The following FGGY variants were observed in gnomAD, a reference collection of about 807,000 sequenced individuals.
The protein encoded by FGGY is FGGY carbohydrate kinase domain-containing protein.
A neutral mutation model predicts 71.3 loss-of-function variants in FGGY; 72 were observed. The observed-to-expected ratio is 1.01, with a 90% confidence interval of 0.84 to 1.23. The LOEUF (loss-of-function observed/expected upper bound fraction) is 1.23. Ranked by LOEUF, FGGY falls within the 50% of genes most tolerant of loss-of-function variation. FGGY has a pLI of 0.00. For missense variants in FGGY, 668 were observed against 682.3 expected (o/e 0.98, Z 0.23); for synonymous variants, 251 against 250.3 (o/e 1.00, Z -0.02).
At chr1:59,373,605 C>A (rs1342440431) in intron 4 of FGGY, among the ~76,000 whole-genome samples, 1 of 152,272 alleles carries the variant, frequency 6.6e-6, no homozygotes, top group South Asian at 2.1e-4. Context: ...CCAAGTCAAT[C>A]CTAAGCCAAA....
intron 5 of FGGY, among the ~76,000 whole-genome samples, chr1:59,393,626 A>T (rs995867444): frequency 1.3e-5 from 2 of 151,524 alleles, no homozygotes; most frequent in Non-Finnish European, 2.9e-5. Flanking sequence ...GGCCCAAATC[A>T]GCCCTGCAGT....
chr1:59,515,695 T>C (rs1351096009), intron 7 of FGGY, among the ~76,000 whole-genome samples: 1 of 152,176 alleles, frequency 6.6e-6, no homozygotes, highest in Non-Finnish European at 1.5e-5. Flanking sequence ...TTATCAGGCT[T>C]TTCTGCGTTT....
intron 14 of FGGY, among the ~76,000 whole-genome samples, chr1:59,688,784 C>G (rs575736292): frequency 1.3e-5 from 2 of 148,452 alleles, no homozygotes; most frequent in African/African-American, 2.5e-5. Context: ...GAGTCTCACT[C>G]TGTCGCCTAG....
intron 14 of FGGY, among the ~76,000 whole-genome samples, chr1:59,722,460 T>C (rs2097905700): frequency 6.6e-6 from 1 of 152,228 alleles, no homozygotes; most frequent in South Asian, 2.1e-4. Flanking sequence ...GAGGAATATC[T>C]ACATAAATTT....
At chr1:59,542,814 A>C (rs567200061) in intron 7 of FGGY, among the ~76,000 whole-genome samples, 4 of 151,856 alleles carry the variant, frequency 2.6e-5, no homozygotes, top group East Asian at 3.9e-4. Flanking sequence ...GGCCCAAAAA[A>C]CTCAGTTCAT....
chr1:59,675,067 G>A (rs2097423110), intron 14 of FGGY, among the ~76,000 whole-genome samples: 1 of 152,154 alleles, frequency 6.6e-6, no homozygotes, highest in Non-Finnish European at 1.5e-5. Flanking sequence ...TTATAGTTGA[G>A]GAACCTGAGG....
At chr1:59,419,534 A>G (rs2065051604) in intron 5 of FGGY, among the ~76,000 whole-genome samples, 1 of 152,178 alleles carries the variant, frequency 6.6e-6, no homozygotes, top group African/African-American at 2.4e-5. Flanking sequence ...ACTGGTTCCA[A>G]GTATTCATCT....
chr1:59,298,259 T>A (rs2042260927), intron 1 of FGGY, among the ~76,000 whole-genome samples: 1 of 152,220 alleles, frequency 6.6e-6, no homozygotes, highest in Non-Finnish European at 1.5e-5. Context: ...GCTCTTGACC[T>A]GATGGCCACT....
At chr1:59,494,998 A>G (rs2093987993) in intron 6 of FGGY, among the ~76,000 whole-genome samples, 1 of 152,162 alleles carries the variant, frequency 6.6e-6, no homozygotes, top group Non-Finnish European at 1.5e-5. Context: ...TTTTCTCCAC[A>G]ACCTCACCAG....
intron 14 of FGGY, chr1:59,698,625 C>T: frequency 3.0e-6 from 1 of 334,028 alleles, no homozygotes; most frequent in Non-Finnish European, 4.3e-6. Flanking sequence ...CTTTGCTGAC[C>T]ACTTGGGAAT....
intron 7 of FGGY, among the ~76,000 whole-genome samples, chr1:59,524,958 G>A (rs931024007): frequency 6.6e-6 from 1 of 152,250 alleles, no homozygotes; most frequent in Admixed American, 6.5e-5. Flanking sequence ...GGAGAGAAGA[G>A]CTGTGGCCCT....
intron 14 of FGGY, among the ~76,000 whole-genome samples, chr1:59,731,380 G>A (rs756547279): frequency 1.3e-5 from 2 of 152,142 alleles, no homozygotes; most frequent in Non-Finnish European, 2.9e-5. Flanking sequence ...GTGTCCAGAT[G>A]TGCGTGGAAA....
At chr1:59,340,130 C>T (rs2050369669) in intron 3 of FGGY, 61 bp downstream of exon 3, 1 of 1,201,888 alleles carries the variant, frequency 8.3e-7, no homozygotes, top group East Asian at 2.4e-5. Context: ...ATCCAATGGG[C>T]CCAGGTGGAA....
intron 6 of FGGY, among the ~76,000 whole-genome samples, chr1:59,465,097 G>A (rs921111989): frequency 3.3e-5 from 5 of 152,134 alleles, no homozygotes; most frequent in African/African-American, 1.2e-4. Context: ...GATGAACATC[G>A]ATGCAGAAAT....
intron 4 of FGGY, among the ~76,000 whole-genome samples, chr1:59,356,099 A>G (rs1448457820): frequency 1.3e-5 from 2 of 152,134 alleles, no homozygotes; most frequent in Non-Finnish European, 2.9e-5. Context: ...CTTCTTTAGA[A>G]GGGGTCGGCA....
intron 14 of FGGY, among the ~76,000 whole-genome samples, chr1:59,721,474 G>A (rs1365805592): frequency 6.6e-6 from 1 of 151,164 alleles, no homozygotes; most frequent in Non-Finnish European, 1.5e-5. Context: ...AAGCAACTGG[G>A]AGTACAGGCG....
intron 5 of FGGY, among the ~76,000 whole-genome samples, chr1:59,408,415 C>T (rs2063084946): frequency 6.6e-6 from 1 of 152,126 alleles, no homozygotes; most frequent in Non-Finnish European, 1.5e-5. Context: ...ACACCTTTTG[C>T]TGTTTTTGGA....
At chr1:59,708,420 A>G (rs1168293418) in intron 14 of FGGY, among the ~76,000 whole-genome samples, 1 of 152,196 alleles carries the variant, frequency 6.6e-6, no homozygotes, top group Non-Finnish European at 1.5e-5. Flanking sequence ...AAGGGACCCT[A>G]GACCAGGGGA....
intron 4 of FGGY, among the ~76,000 whole-genome samples, chr1:59,367,890 G>T (rs1263867643): frequency 1.3e-5 from 2 of 152,250 alleles, no homozygotes; most frequent in Non-Finnish European, 2.9e-5. Context: ...GTGGTTTGAT[G>T]AAGTAATAAT....
Sources: allele counts gnomAD v4.1 joint callset (sites outside exome capture counted in the v4.1 genomes callset), GRCh38; gene constraint gnomAD v4.1.1; transcripts MANE v1.5; gene names NCBI Gene and HGNC (gene_info 2026-07-23, HGNC 2026-07-21).